The following SLF1 variants were observed in gnomAD, a reference collection of about 807,000 sequenced individuals.
The protein encoded by SLF1 is SMC5/6 complex localization factor 1, also known as SMC5-SMC6 complex localization factor protein 1.
SLF1 carries 105 observed loss-of-function variants against 123.0 expected under a neutral mutation model. The observed-to-expected ratio is 0.85, with a 90% CI of 0.73 to 1.00. SLF1 has a LOEUF of 1.00. Ranked by LOEUF, SLF1 falls within the 50% of genes least tolerant of loss-of-function variation. The pLI is 0.00. For synonymous variants in SLF1, 434 were observed against 406.6 expected, an observed-to-expected ratio of 1.07 and a Z score of -0.81; for missense variants, 1,239 against 1,223.0, an observed-to-expected ratio of 1.01 and a Z score of -0.20.
chr5:94,627,592 A>ATG (rs202084095), intron 1 of SLF1, among the ~76,000 whole-genome samples: 5,339 of 113,880 alleles, frequency 0.047, 186 homozygotes, highest in East Asian at 0.078. Flanking sequence ...TAACATATAT[A>ATG]TATATATATA....
intron 1 of SLF1, among the ~76,000 whole-genome samples, chr5:94,627,596 A>ATATATATATG (rs1561418945): frequency 2.4e-5 from 3 of 123,462 alleles, no homozygotes; most frequent in African/African-American, 9.3e-5. Context: ...ATATATATAT[A>ATATATATATG]TATATATATA....
At chr5:94,649,107 T>TTCTTGG (rs1436296919) in intron 5 of SLF1, among the ~76,000 whole-genome samples, 1 of 152,194 alleles carries the variant, frequency 6.6e-6, no homozygotes, top group Admixed American at 6.5e-5. Context: ...GAAGTCTGTC[T>TTCTTGG]ATAATTGATG....
intron 9 of SLF1, among the ~76,000 whole-genome samples, chr5:94,655,090 AT>A (rs1273399653): frequency 5.3e-5 from 8 of 152,104 alleles, no homozygotes; most frequent in African/African-American, 1.9e-4. Context: ...GAAGTCTTTA[AT>A]TCATTTTGAG....
At chr5:94,637,549 C>T (rs1336832772) in intron 4 of SLF1, among the ~76,000 whole-genome samples, 1 of 151,988 alleles carries the variant, frequency 6.6e-6, no homozygotes, top group African/African-American at 2.4e-5. Flanking sequence ...AGTAGAATTG[C>T]TGCTTAAGAT....
chr5:94,633,146 C>G (rs933944032), intron 4 of SLF1, among the ~76,000 whole-genome samples: 11 of 152,016 alleles, frequency 7.2e-5, no homozygotes, highest in African/African-American at 2.7e-4. Context: ...TGCCATCACA[C>G]CCGGCTAATT....
At chr5:94,685,495 A>G (rs1752311710) in intron 15 of SLF1, among the ~76,000 whole-genome samples, 1 of 151,528 alleles carries the variant, frequency 6.6e-6, no homozygotes, top group African/African-American at 2.4e-5. Context: ...ATTTTGTTGC[A>G]TTTTCATTAT....
chr5:94,670,838 A>T lies in SLF1; in HGVS notation c.1662-5A>T. ...AGATATACTTTTTGTTTATATTTTA[A>T]TTAGGTTGTATGACTGGTCAGATTC... is the stretch of plus-strand genomic sequence containing the variant. On this transcript the variant is annotated splice_polypyrimidine_tract_variant and splice_region_variant and intron_variant, in intron 13 of 20. Coordinates refer to ENST00000265140, the MANE Select transcript of SLF1 (RefSeq NM_032290.4). 4.5e-6 allele frequency: 7 copies of T among 1,542,420 alleles called. No homozygotes were observed. The highest frequency in any genetic ancestry group is 6.1e-6 in the Non-Finnish European group (7 of 1,141,384).
chr5:94,619,178 G>T (rs1585076308), intron 1 of SLF1, among the ~76,000 whole-genome samples: 1 of 152,190 alleles, frequency 6.6e-6, no homozygotes, highest in Non-Finnish European at 1.5e-5. Flanking sequence ...CCTGATACCA[G>T]AATTTTGGCT....
At chr5:94,639,074 T>G (rs1746158432) in intron 4 of SLF1, among the ~76,000 whole-genome samples, 1 of 139,276 alleles carries the variant, frequency 7.2e-6, no homozygotes, top group Admixed American at 7.5e-5. Context: ...GGAGTCTGGC[T>G]CTGTTGCTCA....
chr5:94,630,337 C>T (rs1222064492), intron 3 of SLF1, among the ~76,000 whole-genome samples, 166 bp from the exon 4 acceptor site: 2 of 152,152 alleles, frequency 1.3e-5, no homozygotes, highest in Admixed American at 1.3e-4. Flanking sequence ...TTGTAAGCCT[C>T]TTACTATCAG....
intron 18 of SLF1, among the ~76,000 whole-genome samples, chr5:94,690,932 C>CTG (rs3084537): frequency 0.23 from 32,970 of 144,598 alleles, 3,690 homozygotes; most frequent in East Asian, 0.35. Context: ...GTGTGTGTGT[C>CTG]TGTGTGTGTG....
At chr5:94,666,159 A>G (rs1437787839) in intron 12 of SLF1, 135 bp downstream of exon 12, 2 of 806,878 alleles carry the variant, frequency 2.5e-6, no homozygotes, top group African/African-American at 1.8e-5. Flanking sequence ...TATGTATTGT[A>G]TTTATTGCAA....
chr5:94,672,196 T>A (rs893869702), intron 14 of SLF1, among the ~76,000 whole-genome samples: 3 of 152,152 alleles, frequency 2.0e-5, no homozygotes, highest in African/African-American at 7.2e-5. Flanking sequence ...CTACTAGTTA[T>A]GATCCTATAA....
intron 10 of SLF1, among the ~76,000 whole-genome samples, chr5:94,663,197 A>C (rs2044911): frequency 1.3e-5 from 2 of 152,066 alleles, no homozygotes; most frequent in South Asian, 4.1e-4. Context: ...TTTCTTTTAG[A>C]GGTAGTATTT....
At chr5:94,645,752 T>C (rs1182482787) in intron 5 of SLF1, among the ~76,000 whole-genome samples, 1 of 152,216 alleles carries the variant, frequency 6.6e-6, no homozygotes, top group Non-Finnish European at 1.5e-5. Flanking sequence ...ATACATTGTT[T>C]TATAAGTTCT....
At position 94,630,883 on chromosome 5, in the gene SLF1, T is replaced by C. The variant is rs1745123799; in HGVS notation, c.431+140T>C. On this transcript the variant is annotated intron_variant, in intron 4 of 20. Transcript: ENST00000265140. Reference sequence around the variant, plus strand: ...CTCCAATCTCCTAGGTAAGCCATTATGCTCGTTTAGACTTATGTGTCTTTA... The same window carrying C: ...CTCCAATCTCCTAGGTAAGCCATTACGCTCGTTTAGACTTATGTGTCTTTA... 5.5e-6 allele frequency: 5 copies of C among 908,952 alleles called. No homozygotes were observed. The South Asian group carries it at 9.0e-5, about 16-fold the overall frequency. The allele number at this position is 908,952 out of a possible 1,614,324, so 56.3% of individuals were successfully genotyped here.
chr5:94,630,589 A>G lies in SLF1; in HGVS notation c.277A>G (p.Lys93Glu). The G allele has an allele frequency of 1.3e-6, 2 of 1,551,708 alleles. No homozygotes were observed. The highest frequency in any genetic ancestry group is 8.7e-7 in the Non-Finnish European group (1 of 1,146,998). The part of the protein sequence containing the change: ...LDETTYEWGY[K>E]IEKDSRYSPQ... ...TGAAACAACTTATGAATGGGGATATAAAATTGAAAAAGATTCCCGTTATTC... is the reference window on the plus strand; with the variant it reads ...TGAAACAACTTATGAATGGGGATATGAAATTGAAAAAGATTCCCGTTATTC... The change falls in exon 4 of 21, where the codon AAA becomes GAA. Residue 93 changes from lysine (K) to glutamate (E), a missense_variant. Physicochemically the swap from Lys to Glu is moderately conservative, Grantham distance 56 (BLOSUM62 1). Transcript: ENST00000265140.
chr5:94,647,616 A>T (rs1248508611), intron 5 of SLF1, among the ~76,000 whole-genome samples: 2 of 152,232 alleles, frequency 1.3e-5, no homozygotes, highest in Non-Finnish European at 2.9e-5. Flanking sequence ...TTCCTAGATT[A>T]TAAAAGGAGA....
chr5:94,644,932 G>T (rs1429026129), intron 5 of SLF1, among the ~76,000 whole-genome samples: 1 of 152,148 alleles, frequency 6.6e-6, no homozygotes, highest in Non-Finnish European at 1.5e-5. Context: ...TGTTAATAGA[G>T]AATTTGTGAA....
Sources: gnomAD v4.1 joint callset for allele counts (sites outside exome capture counted in the v4.1 genomes callset) on GRCh38, gnomAD v4.1.1 for gene constraint, MANE v1.5 for transcripts, NCBI Gene and HGNC (gene_info 2026-07-23, HGNC 2026-07-21) for gene names.